MERTK: variants seen among roughly 807,000 people sequenced by gnomAD.
MERTK encodes MER proto-oncogene, tyrosine kinase, also known as tyrosine-protein kinase Mer.
MERTK carries 69 observed loss-of-function variants against 99.3 expected under a neutral mutation model. That is an observed-to-expected ratio of 0.70 (90% CI 0.57 to 0.85). The LOEUF is 0.85. Among genes scored for constraint, MERTK ranks in the 40% least tolerant of loss-of-function variants. MERTK has a pLI of 0.00. For missense variants in MERTK, 1,125 were observed against 1,249.4 expected (o/e 0.90, Z 1.50); for synonymous variants, 426 against 467.6 (o/e 0.91, Z 1.15).
At chr2:112,015,512 T>C (rs1677199299) in intron 15 of MERTK, among the ~76,000 whole-genome samples, 1 of 152,256 alleles carries the variant, frequency 6.6e-6, no homozygotes, top group African/African-American at 2.4e-5. Flanking sequence ...GTATTTTGTT[T>C]ATTTTTTAAT....
chr2:111,967,369 C>T (rs1311731524), intron 5 of MERTK, among the ~76,000 whole-genome samples: 3 of 152,188 alleles, frequency 2.0e-5, no homozygotes, highest in African/African-American at 7.2e-5. Context: ...ATAGCAAGCA[C>T]AGGAAGTGTT....
intron 2 of MERTK, among the ~76,000 whole-genome samples, chr2:111,931,645 C>T (rs1684673984): frequency 6.6e-6 from 1 of 151,094 alleles, no homozygotes; most frequent in African/African-American, 2.4e-5. Flanking sequence ...AAGATTGCAC[C>T]ACTGCACTCC....
intron 16 of MERTK, among the ~76,000 whole-genome samples, chr2:112,020,284 G>A (rs1473977295): frequency 6.6e-6 from 1 of 151,964 alleles, no homozygotes; most frequent in Non-Finnish European, 1.5e-5. Context: ...ATAATTTTTC[G>A]ACCATGGAGG....
chr2:111,958,399 G>C (rs139076875), intron 4 of MERTK, among the ~76,000 whole-genome samples: 1 of 152,300 alleles, frequency 6.6e-6, no homozygotes, highest in East Asian at 1.9e-4. Flanking sequence ...TGTCTAGTTG[G>C]GAAGCCAGTG....
At chr2:111,955,009 T>C (rs1312722365) in intron 4 of MERTK, among the ~76,000 whole-genome samples, 1 of 152,162 alleles carries the variant, frequency 6.6e-6, no homozygotes, top group Non-Finnish European at 1.5e-5. Context: ...GAGGTCAGCT[T>C]TGGGGGGCCT....
intron 1 of MERTK, among the ~76,000 whole-genome samples, chr2:111,922,024 G>C (rs1684468856): frequency 6.6e-6 from 1 of 152,336 alleles, no homozygotes; most frequent in East Asian, 1.9e-4. Flanking sequence ...AACTCTGGTA[G>C]AGGAGCTATT....
intron 2 of MERTK, among the ~76,000 whole-genome samples, chr2:111,933,901 G>T (rs1249691892): frequency 7.7e-6 from 1 of 130,640 alleles, no homozygotes; most frequent in East Asian, 2.2e-4. Flanking sequence ...CCCGATGTGT[G>T]AAAGTTCCCT....
At chr2:111,974,573 C>A (rs1299293469) in intron 6 of MERTK, among the ~76,000 whole-genome samples, 1 of 151,832 alleles carries the variant, frequency 6.6e-6, no homozygotes, top group Non-Finnish European at 1.5e-5. Flanking sequence ...AGTTCGAGGC[C>A]AGCATGGCCG....
At chr2:111,902,462 T>A (rs1684061782) in intron 1 of MERTK, among the ~76,000 whole-genome samples, 1 of 152,190 alleles carries the variant, frequency 6.6e-6, no homozygotes, top group Non-Finnish European at 1.5e-5. Flanking sequence ...CTACTAGAAT[T>A]TGCAGAGACT....
At chr2:111,985,226 C>G (rs757509723) in intron 8 of MERTK, among the ~76,000 whole-genome samples, 16 of 152,148 alleles carry the variant, frequency 1.1e-4, no homozygotes, top group Non-Finnish European at 2.2e-4. Context: ...TCTATGAAGT[C>G]TAAAGACCAC....
chr2:111,948,428 A>G (rs969762059), intron 4 of MERTK, among the ~76,000 whole-genome samples: 2 of 152,062 alleles, frequency 1.3e-5, no homozygotes, highest in Non-Finnish European at 2.9e-5. Flanking sequence ...GTTTAACACC[A>G]TCTATAAGAA....
chr2:112,019,655 C>T, intron 16 of MERTK, 133 bp downstream of exon 16: 3 of 750,642 alleles, frequency 4.0e-6, no homozygotes, highest in Non-Finnish European at 7.2e-6. Context: ...TGGCTTGCTC[C>T]GAAGATGGAA....
chr2:111,922,941 G>A (rs1161442977), intron 1 of MERTK, among the ~76,000 whole-genome samples: 1 of 152,176 alleles, frequency 6.6e-6, no homozygotes, highest in Non-Finnish European at 1.5e-5. Context: ...CCTAATGAAC[G>A]AATTTTGAGT....
At chr2:111,985,662 T>C (rs1354681122) in intron 8 of MERTK, among the ~76,000 whole-genome samples, 1 of 152,068 alleles carries the variant, frequency 6.6e-6, no homozygotes, top group Non-Finnish European at 1.5e-5. Context: ...CAAAGGCACG[T>C]CTTACATGGT....
intron 8 of MERTK, among the ~76,000 whole-genome samples, chr2:111,992,746 G>A (rs1179201158): frequency 5.2e-5 from 6 of 115,188 alleles, no homozygotes; most frequent in Admixed American, 9.5e-5. Context: ...GCAAGACTCC[G>A]TCTCAAAAAA....
chr2:111,997,959 C>G (rs578197375), intron 10 of MERTK, among the ~76,000 whole-genome samples: 3 of 152,260 alleles, frequency 2.0e-5, no homozygotes, highest in Non-Finnish European at 2.9e-5. Context: ...GGCTGAGGCA[C>G]AGGAATTGCT....
At chr2:111,922,231 A>G (rs1458680427) in intron 1 of MERTK, among the ~76,000 whole-genome samples, 2 of 152,174 alleles carry the variant, frequency 1.3e-5, no homozygotes, top group Non-Finnish European at 2.9e-5. Context: ...TTGCTGCCAC[A>G]TCCCCACCCA....
Position 112,025,350 on chromosome 2 carries a change from G to T in MERTK, c.2486+2956G>T, listed in dbSNP as rs547011305. On this transcript the variant is annotated intron_variant, in intron 18 of 18. Transcript: ENST00000295408. ...ATGCCCATCCCAGCACCACCCTCGC[G>T]CTTCACACACCTGACCAGCCTAGCA... Among the ~76,000 whole-genome samples, 9 of 152,210 alleles carry T rather than the reference G, an allele frequency of 5.9e-5. No homozygotes were observed. In the East Asian group the frequency reaches 1.7e-3, roughly 29 times the overall value.
chr2:112,028,566 C>G lies in MERTK; in HGVS notation c.2702C>G (p.Ser901Cys). ...APLDLNIDPD[S>C]IIASCTPRAA... ...CTGGACTTGAACATCGACCCTGACTCTATAATTGCCTCCTGCACTCCCCGC... is the reference window on the plus strand; with the variant it reads ...CTGGACTTGAACATCGACCCTGACTGTATAATTGCCTCCTGCACTCCCCGC... Residue 901 changes from serine to cysteine, a missense_variant, in exon 19 of 19, where the codon TCT becomes TGT. Coordinates refer to ENST00000295408, the MANE Select transcript of MERTK (RefSeq NM_006343.3). 6.2e-7 allele frequency: 1 copy of G among 1,614,216 alleles called. No individual in the cohort carries two copies. The highest frequency in any genetic ancestry group is 8.5e-7 in the Non-Finnish European group (1 of 1,180,044).
Sources: gnomAD v4.1 joint callset for allele counts (sites outside exome capture counted in the v4.1 genomes callset) on GRCh38, gnomAD v4.1.1 for gene constraint, MANE v1.5 for transcripts, NCBI Gene and HGNC (gene_info 2026-07-23, HGNC 2026-07-21) for gene names.